The following ERICH1 variants were observed in gnomAD, a reference collection of about 807,000 sequenced individuals.
The protein encoded by ERICH1 is glutamate rich 1.
A neutral mutation model predicts 39.6 loss-of-function variants in ERICH1; 56 were observed. The observed-to-expected ratio is 1.41, with a 90% confidence interval of 1.14 to 1.77. The LOEUF is 1.77. Ranked by LOEUF, ERICH1 falls within the 40% of genes most tolerant of loss-of-function variation. ERICH1 has a pLI of 0.00. For synonymous variants in ERICH1, 313 were observed against 223.6 expected, an observed-to-expected ratio of 1.40 and a Z score of -3.57; for missense variants, 826 against 575.4, an observed-to-expected ratio of 1.44 and a Z score of -4.45.
At chr8:654,823 T>C (rs1039380133) in intron 3 of ERICH1, among the ~76,000 whole-genome samples, 2 of 152,086 alleles carry the variant, frequency 1.3e-5, no homozygotes, top group Admixed American at 6.5e-5. Context: ...AGATACACCA[T>C]GGGTTTGCCC....
rs973356693 is a variant in ERICH1, at chr8:655,466, G to A, written c.976+13132C>T. On this transcript the variant is annotated intron_variant, in intron 3 of 3. Coordinates refer to the ERICH1 transcript ENST00000522706. ...ACGTTCTTACCTACGTGTGCGTTTC[G>A]TGTTCTGGACGATGGTGCACCAGCA... 5.3e-5 allele frequency among the ~76,000 whole-genome samples: 8 copies of A among 152,180 alleles called. No homozygotes were observed. The East Asian group carries it at 5.8e-4, about 11-fold the overall frequency.
intron 2 of ERICH1, among the ~76,000 whole-genome samples, chr8:708,819 G>C (rs1267685505): frequency 1.3e-5 from 2 of 148,254 alleles, no homozygotes; most frequent in African/African-American, 2.5e-5. Context: ...TCAGCCTCTT[G>C]AGTAGCTGCG....
At chr8:621,138 T>C (rs1241593907) in intron 3 of ERICH1, among the ~76,000 whole-genome samples, 1 of 152,024 alleles carries the variant, frequency 6.6e-6, no homozygotes, top group Non-Finnish European at 1.5e-5. Flanking sequence ...TTCACAAATA[T>C]GTGAAAATTA....
intron 3 of ERICH1, among the ~76,000 whole-genome samples, chr8:687,471 T>G (rs1807691656): frequency 6.6e-6 from 1 of 152,210 alleles, no homozygotes; most frequent in South Asian, 2.1e-4. Flanking sequence ...CAACAAACGC[T>G]AAGCGTGTGG....
downstream of ERICH1, among the ~76,000 whole-genome samples, chr8:662,769 C>T (rs1297995110): frequency 1.3e-5 from 2 of 152,096 alleles, no homozygotes; most frequent in Admixed American, 6.5e-5. Flanking sequence ...GGCAGGAGTC[C>T]GGCTTGGACA....
chr8:664,466 C>T lies in ERICH1; in HGVS notation c.*137G>A, dbSNP rs1339298156. 2 of 1,281,240 alleles carry T rather than the reference C, an allele frequency of 1.6e-6. No individual in the cohort carries two copies. The highest frequency in any genetic ancestry group is 2.8e-5 in the East Asian group (1 of 35,782). 79.4% of individuals were successfully genotyped at this position (1,281,240 alleles called of 1,614,324 possible). A position where few individuals can be genotyped will look rare whatever the true frequency, so the allele number is the denominator to read the frequency against. On this transcript the variant is annotated 3_prime_UTR_variant, in exon 6 of 6. Coordinates refer to ENST00000262109, the MANE Select transcript of ERICH1 (RefSeq NM_207332.3). ...GAAGCCTCAGATGGCATCTTGCCCA[C>T]CAGGAACAAACACGTGAATAAATAA...
At chr8:701,265 G>A (rs964797192) in intron 2 of ERICH1, among the ~76,000 whole-genome samples, 2 of 151,498 alleles carry the variant, frequency 1.3e-5, no homozygotes, top group African/African-American at 2.4e-5. Flanking sequence ...ACGGGAGCAC[G>A]CCGTACCCAC....
At chr8:702,723 G>A (rs1349126980) in intron 2 of ERICH1, among the ~76,000 whole-genome samples, 4 of 152,210 alleles carry the variant, frequency 2.6e-5, no homozygotes, top group South Asian at 2.1e-4. Flanking sequence ...GTGTGGGAGC[G>A]ACACTGGTGC....
At position 716,256 on chromosome 8, in the gene ERICH1, C is replaced by T. The variant is rs556202668; in HGVS notation, c.23-249G>A. Among the ~76,000 whole-genome samples, 3 of 152,358 alleles carry T rather than the reference C, an allele frequency of 2.0e-5. No individual in the cohort carries two copies. The South Asian group carries it at 6.2e-4, about 32-fold the overall frequency. ...CCATCAGCTGACCCTCTCTCCAGGG[C>T]ATCACCCTGCATCCAGGAGGCTGTG... On this transcript the variant is annotated intron_variant, in intron 1 of 5. Coordinates refer to ENST00000262109, the MANE Select transcript of ERICH1 (RefSeq NM_207332.3).
intron 2 of ERICH1, among the ~76,000 whole-genome samples, chr8:701,818 G>A (rs1487066467): frequency 6.6e-6 from 1 of 152,084 alleles, no homozygotes; most frequent in Non-Finnish European, 1.5e-5. Flanking sequence ...GCAGCCAGGC[G>A]CGGTTGCTCA....
At chr8:684,730 G>T (rs1328761757) in intron 3 of ERICH1, among the ~76,000 whole-genome samples, 3 of 152,150 alleles carry the variant, frequency 2.0e-5, no homozygotes, top group African/African-American at 7.2e-5. Context: ...GAGTACAAAA[G>T]AGAGAAATTT....
At chr8:634,168 C>CAAAAAAAAAAAAAA (rs56687918) in intron 3 of ERICH1, among the ~76,000 whole-genome samples, 21 of 91,882 alleles carry the variant, frequency 2.3e-4, no homozygotes, top group Non-Finnish European at 3.9e-4. Context: ...TCCTAAAACT[C>CAAAAAAAAAAAAAA]AAAAAAAAAA....
At chr8:700,497 C>CGCGCACAGGCCCGCACAG (rs1351174973) in intron 2 of ERICH1, among the ~76,000 whole-genome samples, 3 of 77,918 alleles carry the variant, frequency 3.9e-5, no homozygotes, top group Non-Finnish European at 5.5e-5. Context: ...GGCCCGCACA[C>CGCGCACAGGCCCGCACAG]GCGCACAGGC....
intron 2 of ERICH1, among the ~76,000 whole-genome samples, chr8:697,089 C>T (rs943688699): frequency 1.3e-5 from 2 of 152,204 alleles, no homozygotes; most frequent in African/African-American, 2.4e-5. Context: ...ACTTGCTGCA[C>T]GTGCTAGCAG....
At chr8:624,453 C>CACAA (rs1300530974) in intron 3 of ERICH1, among the ~76,000 whole-genome samples, 1 of 152,258 alleles carries the variant, frequency 6.6e-6, no homozygotes, top group Non-Finnish European at 1.5e-5. Context: ...CACGCCAAAG[C>CACAA]TTGTACGTGA....
chr8:633,132 C>T (rs1798156463), intron 3 of ERICH1, among the ~76,000 whole-genome samples: 1 of 150,544 alleles, frequency 6.6e-6, no homozygotes, highest in Non-Finnish European at 1.5e-5. Context: ...CGTGGTGCTG[C>T]CCAGGACAGA....
chr8:650,116 G>T (rs1008071601), intron 3 of ERICH1, among the ~76,000 whole-genome samples: 1 of 152,202 alleles, frequency 6.6e-6, no homozygotes, highest in Non-Finnish European at 1.5e-5. Context: ...CTCAGCGCTC[G>T]CTCCATGCCG....
intron 3 of ERICH1, among the ~76,000 whole-genome samples, chr8:629,616 C>CTA (rs1470446751): frequency 5.8e-5 from 6 of 103,934 alleles, no homozygotes; most frequent in African/African-American, 2.3e-4. Context: ...CTCACACCCG[C>CTA]CTGTGACCAC....
Position 673,804 on chromosome 8 carries a change from G to C in ERICH1, c.548C>G (p.Ala183Gly), listed in dbSNP as rs1370646347. Reference protein sequence around the residue: ...RKKAAGLAAKAAGVSFMYQPE... With the variant: ...RKKAAGLAAKGAGVSFMYQPE... ...CTGGTACATGAAACTGACACCAGCA[G>C]CCTTTGCTGCCAAGCCGGCTGCTTT... The change falls in exon 4 of 6, where the codon GCT becomes GGT. Residue 183 changes from alanine (A) to glycine (G), a missense_variant. Ala to Gly is a moderately conservative substitution (Grantham distance 60). Coordinates refer to ENST00000262109, the MANE Select transcript of ERICH1 (RefSeq NM_207332.3). The C allele has an allele frequency of 6.2e-7, 1 of 1,614,184 alleles. No individual in the cohort carries two copies. Among genetic ancestry groups the C allele is most frequent in the South Asian group, 1.1e-5 (1 of 91,088 alleles).
Sources: gnomAD v4.1 joint callset for allele counts (sites outside exome capture counted in the v4.1 genomes callset) on GRCh38, gnomAD v4.1.1 for gene constraint, MANE v1.5 for transcripts, NCBI Gene and HGNC (gene_info 2026-07-23, HGNC 2026-07-21) for gene names.